The following PI4K2A variants were observed in gnomAD, a reference collection of about 807,000 sequenced individuals.
The protein encoded by PI4K2A is phosphatidylinositol 4-kinase type 2-alpha.
Under a neutral mutation model 55.0 loss-of-function variants are expected in PI4K2A, and 20 were observed. That is an observed-to-expected ratio of 0.36 (90% CI 0.26 to 0.53). The LOEUF is 0.53. PI4K2A is among the 20% of genes least tolerant of loss of function. PI4K2A has a pLI of 0.91. For missense variants in PI4K2A, 463 were observed against 637.1 expected (o/e 0.73, Z 2.94); for synonymous variants, 235 against 258.5 (o/e 0.91, Z 0.87).
At chr10:97,673,890 C>T in exon 9 of PI4K2A, 1 of 677,464 alleles carries the variant, frequency 1.5e-6, no homozygotes, top group Non-Finnish European at 2.5e-6. Flanking sequence ...GAGCTTTCCA[C>T]CCACAGGGAG....
intron 4 of PI4K2A, among the ~76,000 whole-genome samples, chr10:97,658,282 T>A (rs2041565143): frequency 6.6e-6 from 1 of 152,380 alleles, no homozygotes; most frequent in East Asian, 1.9e-4. Flanking sequence ...AGTGGAATAG[T>A]ACAGTATTTG....
At chr10:97,664,576 G>A (rs903698924) in intron 5 of PI4K2A, among the ~76,000 whole-genome samples, 6 of 152,170 alleles carry the variant, frequency 3.9e-5, no homozygotes, top group Non-Finnish European at 8.8e-5. Flanking sequence ...TCTTTCCCTA[G>A]GAGGAATGGC....
Position 97,656,266 on chromosome 10 carries a change from CT to C in PI4K2A, c.637-18del, listed in dbSNP as rs2041553856. ...TTAAACTTGACTCTAACCTTAGTATCTCTTCTCTTTCACTGTAGGTAGTATA... is the reference window on the plus strand; with the variant it reads ...TTAAACTTGACTCTAACCTTAGTATCCTTCTCTTTCACTGTAGGTAGTATA... On this transcript the variant is annotated intron_variant, in intron 2 of 8. Coordinates refer to ENST00000370631, the Ensembl canonical transcript of PI4K2A. The surrounding 1 kb of genome is among the most constrained non-coding windows in gnomAD (Gnocchi z 4.5). The C allele has an allele frequency of 6.2e-7, 1 of 1,607,560 alleles. No homozygotes were observed. Among genetic ancestry groups the C allele is most frequent in the South Asian group, 1.1e-5 (1 of 90,876 alleles).
At chr10:97,655,241 A>AGT (rs2041547168) in intron 2 of PI4K2A, among the ~76,000 whole-genome samples, 1 of 151,768 alleles carries the variant, frequency 6.6e-6, no homozygotes, top group Non-Finnish European at 1.5e-5. Flanking sequence ...GTGGTGGCAC[A>AGT]CACCTGTAAT....
In PI4K2A at chr10:97,662,987, T is replaced by A; in HGVS notation, c.984+19T>A. 1 of 1,494,838 alleles carries A rather than the reference T, an allele frequency of 6.7e-7. No individual in the cohort carries two copies. Among genetic ancestry groups the A allele is most frequent in the South Asian group, 1.1e-5 (1 of 88,560 alleles). The allele number at this position is 1,494,838 out of a possible 1,614,324, so 92.6% of individuals were successfully genotyped here. On this transcript the variant is annotated intron_variant, in intron 5 of 8. Coordinates refer to ENST00000370631, the Ensembl canonical transcript of PI4K2A. ...CTCTCGGGTAAGAGACTGAGATAAA[T>A]CTTAAAGAGAATGAAGAGTATTTGC...
intron 2 of PI4K2A, among the ~76,000 whole-genome samples, chr10:97,652,036 C>T (rs1367375703): frequency 6.6e-6 from 1 of 151,940 alleles, no homozygotes; most frequent in Admixed American, 6.6e-5. Context: ...ATCCTGGCTC[C>T]GTGCTTAGTC....
At chr10:97,652,567 C>T (rs1326476389) in intron 2 of PI4K2A, among the ~76,000 whole-genome samples, 1 of 152,102 alleles carries the variant, frequency 6.6e-6, no homozygotes, top group Non-Finnish European at 1.5e-5. Flanking sequence ...TCCCAAAGTG[C>T]TGGGATTACA....
At chr10:97,671,119 A>C (rs998096320) in intron 8 of PI4K2A, among the ~76,000 whole-genome samples, 3 of 151,002 alleles carry the variant, frequency 2.0e-5, no homozygotes. Flanking sequence ...CCTGGGCAAG[A>C]AGAGCGAAAC....
At chr10:97,673,153 AT>A (rs1301846727) in intron 8 of PI4K2A, among the ~76,000 whole-genome samples, 2 of 150,610 alleles carry the variant, frequency 1.3e-5, no homozygotes, top group African/African-American at 4.9e-5. Flanking sequence ...CGGTCGGCTA[AT>A]TTTTTTTGGT....
intron 1 of PI4K2A, among the ~76,000 whole-genome samples, chr10:97,648,408 G>A (rs78769236): frequency 1.3e-5 from 2 of 152,220 alleles, no homozygotes; most frequent in East Asian, 3.9e-4. Context: ...TAGTGACAGA[G>A]TCTTGTGGTA....
At chr10:97,654,337 C>T (rs2041542505) in intron 2 of PI4K2A, among the ~76,000 whole-genome samples, 1 of 152,082 alleles carries the variant, frequency 6.6e-6, no homozygotes. Context: ...CATTCCTATG[C>T]CTGAGTTTTC....
exon 1 of PI4K2A, chr10:97,641,134 A>G (rs553300307): frequency 2.5e-6 from 4 of 1,607,386 alleles, no homozygotes; most frequent in African/African-American, 1.3e-5. Flanking sequence ...GAGCGCATCT[A>G]CCAGGGCTCC....
At chr10:97,642,992 C>T (rs979358978) in intron 1 of PI4K2A, among the ~76,000 whole-genome samples, 3 of 144,768 alleles carry the variant, frequency 2.1e-5, no homozygotes, top group Non-Finnish European at 4.6e-5. Context: ...CTCTCTTTCT[C>T]GTCTTTCTTT....
intron 8 of PI4K2A, among the ~76,000 whole-genome samples, chr10:97,667,485 C>T (rs748906587): frequency 6.6e-6 from 1 of 152,308 alleles, no homozygotes; most frequent in Non-Finnish European, 1.5e-5. Context: ...GCTGGGATTA[C>T]AGGCGTGAGG....
intron 2 of PI4K2A, among the ~76,000 whole-genome samples, chr10:97,653,125 TTAGACTC>T (rs2041537312): frequency 6.6e-6 from 1 of 152,244 alleles, no homozygotes; most frequent in Non-Finnish European, 1.5e-5. Flanking sequence ...TAGGCTCCTC[TTAGACTC>T]TAGAAACTTT....
chr10:97,644,535 A>G (rs993258621), intron 1 of PI4K2A, among the ~76,000 whole-genome samples: 1 of 152,178 alleles, frequency 6.6e-6, no homozygotes, highest in African/African-American at 2.4e-5. Flanking sequence ...CTGGCATGAC[A>G]TTTCACTTTA....
chr10:97,642,461 C>T (rs1349081941), intron 1 of PI4K2A, among the ~76,000 whole-genome samples: 2 of 148,994 alleles, frequency 1.3e-5, no homozygotes, highest in African/African-American at 2.5e-5. Flanking sequence ...AGTGCAGTGG[C>T]GCGATCTCAG....
At chr10:97,663,866 T>C (rs1265928011) in intron 5 of PI4K2A, among the ~76,000 whole-genome samples, 2 of 150,820 alleles carry the variant, frequency 1.3e-5, no homozygotes, top group African/African-American at 4.9e-5. Context: ...TCTTGCTCTG[T>C]TGCGCAGGCT....
Position 97,642,732 on chromosome 10 carries a change from A to G in PI4K2A, c.435+1555A>G, listed in dbSNP as rs567037533. Among the ~76,000 whole-genome samples the G allele has an allele frequency of 7.2e-5, 11 of 152,226 alleles. No homozygotes were observed. The East Asian group carries it at 7.7e-4, about 11-fold the overall frequency. On this transcript the variant is annotated intron_variant, in intron 1 of 8. Transcript: ENST00000370631. Reference sequence around the variant, plus strand: ...GAGCTTGCAAGCTCAAGTGGGAACCATCATTTCTAGAAGCAAAGAAATGTG... The same window carrying G: ...GAGCTTGCAAGCTCAAGTGGGAACCGTCATTTCTAGAAGCAAAGAAATGTG...
Sources: allele counts gnomAD v4.1 joint callset (sites outside exome capture counted in the v4.1 genomes callset), GRCh38; gene constraint gnomAD v4.1.1; non-coding constraint Gnocchi (gnomAD v3.1); transcripts MANE v1.5; gene names NCBI Gene and HGNC (gene_info 2026-07-23, HGNC 2026-07-21).